Variants in ALDH1A2 observed in about 807,000 individuals in gnomAD.
The protein encoded by ALDH1A2 is retinal dehydrogenase 2.
Under a neutral mutation model 60.3 loss-of-function variants are expected in ALDH1A2, and 27 were observed. The observed-to-expected ratio is 0.45, with a 90% CI of 0.33 to 0.62. The LOEUF is 0.62. Among genes scored for constraint, ALDH1A2 ranks in the 20% least tolerant of loss-of-function variants. The probability of loss-of-function intolerance (pLI) is 0.02; values close to 1 mark genes in which losing one functional copy is unlikely to be tolerated. For missense variants in ALDH1A2, 581 were observed against 643.8 expected (o/e 0.90, Z 1.06); for synonymous variants, 289 against 232.4 (o/e 1.24, Z -2.21).
chr15:58,047,117 T>C (rs1005092136), intron 1 of ALDH1A2, among the ~76,000 whole-genome samples: 1 of 152,050 alleles, frequency 6.6e-6, no homozygotes, highest in Non-Finnish European at 1.5e-5. Context: ...AATTGGGGAA[T>C]CTAAAGCCTG....
chr15:58,027,300 C>T (rs1217072227), intron 1 of ALDH1A2, among the ~76,000 whole-genome samples: 4 of 152,104 alleles, frequency 2.6e-5, no homozygotes, highest in Admixed American at 6.5e-5. Flanking sequence ...AGCTGAGGGG[C>T]CTGACTGTTA....
At chr15:58,049,920 A>G (rs1011451254) in intron 1 of ALDH1A2, among the ~76,000 whole-genome samples, 2 of 152,046 alleles carry the variant, frequency 1.3e-5, no homozygotes, top group Admixed American at 6.6e-5. Context: ...CCTAGGTTCA[A>G]TTAGTCTTCT....
intron 2 of ALDH1A2, 40 bp downstream of exon 2, chr15:58,014,137 A>G (rs1402376263): frequency 5.0e-6 from 8 of 1,614,138 alleles, no homozygotes; most frequent in East Asian, 2.2e-5. Flanking sequence ...GTTTGAAGGC[A>G]GTTATTTCAT....
intron 1 of ALDH1A2, chr15:58,038,389 T>C (rs1566957283): frequency 6.6e-6 from 1 of 151,734 alleles, no homozygotes; most frequent in East Asian, 1.9e-4. Context: ...TGCTTTCATG[T>C]ACAGCATAAA....
Position 58,023,106 on chromosome 15 carries a change from C to G in ALDH1A2, c.118-8825G>C, listed in dbSNP as rs182982709. On this transcript the variant is annotated intron_variant, in intron 1 of 12. Transcript: ENST00000249750. Reference sequence around the variant, plus strand: ...AACATAAAAAATCAGAAAAATAATTCAGGAAATAAATGAGAAACTTACCAA... The same window carrying G: ...AACATAAAAAATCAGAAAAATAATTGAGGAAATAAATGAGAAACTTACCAA... Among the ~76,000 whole-genome samples, 193 of 151,990 alleles carry G rather than the reference C, an allele frequency of 1.3e-3. 1 individual carries two copies. The highest frequency in any genetic ancestry group is 0.01 in the Admixed American group (160 of 15,272).
chr15:58,027,894 C>T (rs1195840859), intron 1 of ALDH1A2, among the ~76,000 whole-genome samples: 2 of 152,004 alleles, frequency 1.3e-5, no homozygotes, highest in African/African-American at 4.8e-5. Context: ...AAATATGGGA[C>T]TATGTGAAAA....
At chr15:58,061,610 CAAAAAA>C (rs1216992550) in intron 1 of ALDH1A2, among the ~76,000 whole-genome samples, 1 of 100,330 alleles carries the variant, frequency 1.0e-5, no homozygotes, top group Non-Finnish European at 2.1e-5. Context: ...AAAAAAAAAA[CAAAAAA>C]AAAAAAAAAA....
Position 58,020,551 on chromosome 15 carries a change from T to C in ALDH1A2, c.118-6270A>G, listed in dbSNP as rs1018868040. Among the ~76,000 whole-genome samples the C allele has an allele frequency of 3.9e-5, 6 of 152,198 alleles. No homozygotes were observed. In the East Asian group the frequency reaches 7.7e-4, roughly 20 times the overall value. On this transcript the variant is annotated intron_variant, in intron 1 of 12. Coordinates refer to ENST00000249750, the MANE Select transcript of ALDH1A2 (RefSeq NM_003888.4). ...AGCTAAGATCTACCATATTAAAATA[T>C]ACCATGAACACATCATTCAAGCACT...
At chr15:58,036,290 G>T (rs1321913972) in intron 1 of ALDH1A2, among the ~76,000 whole-genome samples, 8 of 151,448 alleles carry the variant, frequency 5.3e-5, no homozygotes, top group African/African-American at 1.9e-4. Context: ...ATTTAATTAT[G>T]CACACACATA....
intron 4 of ALDH1A2, among the ~76,000 whole-genome samples, chr15:58,009,267 A>C (rs1266238031): frequency 6.6e-6 from 1 of 152,012 alleles, no homozygotes; most frequent in East Asian, 1.9e-4. Flanking sequence ...AATGCAGAGG[A>C]CCAGAAGCTG....
chr15:57,974,222 A>G (rs1274942241), intron 7 of ALDH1A2, among the ~76,000 whole-genome samples: 3 of 152,128 alleles, frequency 2.0e-5, no homozygotes, highest in African/African-American at 7.2e-5. Flanking sequence ...TCACGTGGTC[A>G]GGAGATCAAG....
chr15:58,035,367 A>C (rs958878765), intron 1 of ALDH1A2, among the ~76,000 whole-genome samples: 22 of 151,568 alleles, frequency 1.5e-4, no homozygotes, highest in African/African-American at 5.3e-4. Context: ...CTACATGTTT[A>C]GCAATTTTAT....
chr15:57,963,172 G>A (rs1466440501), intron 9 of ALDH1A2, among the ~76,000 whole-genome samples: 1 of 152,126 alleles, frequency 6.6e-6, no homozygotes, highest in African/African-American at 2.4e-5. Context: ...AAGGATAGAT[G>A]GCTCTAGGAA....
intron 4 of ALDH1A2, among the ~76,000 whole-genome samples, chr15:58,000,352 G>C (rs2704183): frequency 6.6e-6 from 1 of 151,902 alleles, no homozygotes; most frequent in Non-Finnish European, 1.5e-5. Context: ...CAGCACCCCA[G>C]AAGTCATTCA....
chr15:58,009,600 A>C (rs1895565156), intron 4 of ALDH1A2, among the ~76,000 whole-genome samples: 1 of 150,776 alleles, frequency 6.6e-6, no homozygotes, highest in Non-Finnish European at 1.5e-5. Flanking sequence ...TATCCACTCA[A>C]TAAATGTGCA....
chr15:58,058,362 G>T (rs1386790224), intron 1 of ALDH1A2, among the ~76,000 whole-genome samples: 4 of 150,764 alleles, frequency 2.7e-5, no homozygotes, highest in African/African-American at 9.8e-5. Context: ...TATTTCGCCA[G>T]ATTCATTTAC....
intron 5 of ALDH1A2, among the ~76,000 whole-genome samples, chr15:57,994,536 A>G (rs1329673244): frequency 6.6e-6 from 1 of 152,186 alleles, no homozygotes; most frequent in African/African-American, 2.4e-5. Context: ...TTAATGTTCC[A>G]ATCCAAACAC....
At position 57,954,722 on chromosome 15, in the gene ALDH1A2, A is replaced by C. The variant is rs1389628387; in HGVS notation, c.*475T>G. The stretch of plus-strand genomic sequence containing the variant: ...TAATTTGGCTTTACAACCTTGAAAA[A>C]TTGTTCCCGGCCCAAACATCTGCCC... On this transcript the variant is annotated 3_prime_UTR_variant, in exon 13 of 13. Transcript: ENST00000249750. 5.2e-6 allele frequency: 1 copy of C among 191,070 alleles called. No homozygotes were observed. The highest frequency in any genetic ancestry group is 1.1e-5 in the Non-Finnish European group (1 of 89,212). 11.8% of individuals were successfully genotyped at this position (191,070 alleles called of 1,614,324 possible). A position where few individuals can be genotyped will look rare whatever the true frequency, so the allele number is the denominator to read the frequency against.
chr15:58,057,329 T>G (rs577662169), intron 1 of ALDH1A2, among the ~76,000 whole-genome samples: 2 of 147,760 alleles, frequency 1.4e-5, no homozygotes, highest in East Asian at 3.9e-4. Context: ...TATATATATA[T>G]GGTACATATA....
Sources: allele counts gnomAD v4.1 joint callset (sites outside exome capture counted in the v4.1 genomes callset), GRCh38; gene constraint gnomAD v4.1.1; transcripts MANE v1.5; gene names NCBI Gene and HGNC (gene_info 2026-07-23, HGNC 2026-07-21).